Variants in ADGRA3 observed in about 807,000 individuals in gnomAD.
ADGRA3 encodes G-protein coupled receptor 125.
A neutral mutation model predicts 119.8 loss-of-function variants in ADGRA3; 56 were observed. The ratio of observed to expected loss-of-function variants is 0.47; its 90% CI spans 0.38 to 0.58. The LOEUF (loss-of-function observed/expected upper bound fraction) is 0.58, where lower values mean the gene tolerates loss of function less well. Ranked by LOEUF, ADGRA3 falls within the 20% of genes least tolerant of loss-of-function variation. The pLI, the probability that ADGRA3 is intolerant of heterozygous loss-of-function variation, is 0.00. For missense variants in ADGRA3, 1,516 were observed against 1,649.0 expected (o/e 0.92, Z 1.40); for synonymous variants, 607 against 623.8 (o/e 0.97, Z 0.40).
At chr4:22,422,185 A>C (rs1315509438) in intron 11 of ADGRA3, among the ~76,000 whole-genome samples, 1 of 152,138 alleles carries the variant, frequency 6.6e-6, no homozygotes, top group African/African-American at 2.4e-5. Flanking sequence ...CCCTCCTTTA[A>C]GGATGATTAA....
chr4:22,514,141 G>T (rs1016500392), intron 1 of ADGRA3, among the ~76,000 whole-genome samples: 13 of 152,052 alleles, frequency 8.5e-5, no homozygotes, highest in Non-Finnish European at 1.5e-4. Context: ...TAACATAACT[G>T]CATGATGACT....
At chr4:22,424,393 C>G (rs1715846866) in intron 10 of ADGRA3, 41 bp from the exon 11 acceptor site, 1 of 1,590,342 alleles carries the variant, frequency 6.3e-7, no homozygotes, top group South Asian at 1.1e-5. Flanking sequence ...TCTTTAAAAC[C>G]ACCATAAACT....
intron 4 of ADGRA3, among the ~76,000 whole-genome samples, chr4:22,453,214 AAAAG>A (rs1307306929): frequency 3.4e-5 from 3 of 88,918 alleles, no homozygotes; most frequent in African/African-American, 5.9e-5. Flanking sequence ...AAAAAAAAAA[AAAAG>A]AAAGAAAAAG....
At chr4:22,477,391 G>A (rs1037461944) in intron 1 of ADGRA3, among the ~76,000 whole-genome samples, 3 of 152,106 alleles carry the variant, frequency 2.0e-5, no homozygotes, top group Non-Finnish European at 2.9e-5. Flanking sequence ...AGTGATTATC[G>A]AGATCCTTTC....
chr4:22,480,063 G>A (rs1167179008), intron 1 of ADGRA3, among the ~76,000 whole-genome samples: 1 of 152,152 alleles, frequency 6.6e-6, no homozygotes, highest in Non-Finnish European at 1.5e-5. Flanking sequence ...GTTGATGGGT[G>A]CAGCAAACCA....
At chr4:22,389,788 A>G (rs1021735093) in intron 17 of ADGRA3, among the ~76,000 whole-genome samples, 4 of 152,062 alleles carry the variant, frequency 2.6e-5, no homozygotes, top group Admixed American at 6.6e-5. Context: ...GGTGCAATAA[A>G]AACTGATTGA....
chr4:22,486,141 G>A (rs1718425316), intron 1 of ADGRA3, among the ~76,000 whole-genome samples: 2 of 152,114 alleles, frequency 1.3e-5, no homozygotes, highest in Non-Finnish European at 2.9e-5. Context: ...CAATGCTTCC[G>A]GGGTCTCTGG....
At chr4:22,440,728 TCTA>T (rs1180677659) in intron 7 of ADGRA3, among the ~76,000 whole-genome samples, 2 of 152,200 alleles carry the variant, frequency 1.3e-5, no homozygotes, top group Admixed American at 6.5e-5. Flanking sequence ...AGAAAATGGT[TCTA>T]CTTTTAAAAC....
rs61793421 is a variant in ADGRA3, at chr4:22,511,142, C to T, written c.257+4386G>A. On this transcript the variant is annotated intron_variant, in intron 1 of 18. Coordinates refer to ENST00000334304, the MANE Select transcript of ADGRA3 (RefSeq NM_145290.4). ...TTATATTTTTATTTGTCTAGAGTCA[C>T]CAAGTAGCATCACGAGGAACCCACA... 5.5e-3 allele frequency among the ~76,000 whole-genome samples: 833 copies of T among 152,246 alleles called. 6 individuals carry two copies. The highest frequency in any genetic ancestry group is 0.033 in the East Asian group (173 of 5,184).
chr4:22,421,881 CAAAAAAAAAAAAAAAAA>C (rs754845592), intron 11 of ADGRA3, among the ~76,000 whole-genome samples: 1 of 70,442 alleles, frequency 1.4e-5, no homozygotes, highest in Non-Finnish European at 2.4e-5. Context: ...ACTCAGTCTC[CAAAAAAAAAAAAAAAAA>C]AAAAAAAAGC....
intron 12 of ADGRA3, among the ~76,000 whole-genome samples, chr4:22,416,032 C>T (rs1715417028): frequency 1.3e-5 from 2 of 152,038 alleles, no homozygotes; most frequent in Admixed American, 1.3e-4. Context: ...AAACTTCAGC[C>T]GTATCAATAA....
intron 1 of ADGRA3, among the ~76,000 whole-genome samples, chr4:22,498,397 T>A (rs1480823326): frequency 1.3e-5 from 2 of 151,824 alleles, no homozygotes; most frequent in South Asian, 4.2e-4. Flanking sequence ...GTTGGGTGGA[T>A]CACCTGAGGT....
Position 22,388,285 on chromosome 4 carries a change from G to A in ADGRA3, c.3386C>T (p.Ser1129Phe), listed in dbSNP as rs769898786. 1 of 1,614,100 alleles carries A rather than the reference G, an allele frequency of 6.2e-7. No homozygotes were observed. The highest frequency in any genetic ancestry group is 1.1e-5 in the South Asian group (1 of 91,080). The change falls in exon 19 of 19, where the codon TCT becomes TTT. Residue 1129 changes from serine to phenylalanine, a missense_variant. Physicochemically the swap from Ser to Phe is radical, Grantham distance 155. This residue lies in a region of ADGRA3 where 1,088 missense variants were observed against 1,107.1 expected (regional missense o/e 0.98). Coordinates refer to ENST00000334304, the MANE Select transcript of ADGRA3 (RefSeq NM_145290.4). ...QAAAAQCHAN[S>F]LPLNSTPQLD... ...CTGAGGGGTGGAGTTCAAAGGTAAA[G>A]AATTGGCATGGCACTGAGCTGCAGC... is the stretch of plus-strand genomic sequence containing the variant.
chr4:22,440,311 G>A (rs933857340), intron 7 of ADGRA3, among the ~76,000 whole-genome samples: 1 of 152,102 alleles, frequency 6.6e-6, no homozygotes, highest in Non-Finnish European at 1.5e-5. Context: ...CCTCAAGGCA[G>A]CAGATTTGGA....
At chr4:22,395,669 G>T (rs534013549) in intron 16 of ADGRA3, among the ~76,000 whole-genome samples, 1 of 152,158 alleles carries the variant, frequency 6.6e-6, no homozygotes, top group African/African-American at 2.4e-5. Flanking sequence ...AGTGATGGGG[G>T]CTGAGAGGCA....
At chr4:22,451,958 C>A (rs1426428495) in intron 4 of ADGRA3, among the ~76,000 whole-genome samples, 5 of 152,152 alleles carry the variant, frequency 3.3e-5, no homozygotes, top group African/African-American at 1.2e-4. Flanking sequence ...GAGCTGTTAT[C>A]ATCCTTCACA....
chr4:22,391,443 A>T (rs949268149), intron 17 of ADGRA3, among the ~76,000 whole-genome samples: 4 of 151,560 alleles, frequency 2.6e-5, no homozygotes, highest in Non-Finnish European at 4.4e-5. Flanking sequence ...CCCTCACACA[A>T]CTCTCTTAAA....
chr4:22,512,193 G>A (rs567773446), intron 1 of ADGRA3, among the ~76,000 whole-genome samples: 7 of 152,048 alleles, frequency 4.6e-5, no homozygotes, highest in South Asian at 2.1e-4. Context: ...GAGCCACTGC[G>A]CCCGCCCCAC....
chr4:22,479,855 T>G (rs890564718), intron 1 of ADGRA3, among the ~76,000 whole-genome samples: 2 of 152,176 alleles, frequency 1.3e-5, no homozygotes, highest in Non-Finnish European at 2.9e-5. Context: ...GGGACATGGA[T>G]GAAGCTGGAA....
Sources: gnomAD v4.1 joint callset for allele counts (sites outside exome capture counted in the v4.1 genomes callset) on GRCh38, gnomAD v4.1.1 for gene constraint, gnomAD v4.1.1 regional missense constraint, MANE v1.5 for transcripts, NCBI Gene and HGNC (gene_info 2026-07-23, HGNC 2026-07-21) for gene names.